The following FAM114A1 variants were observed in gnomAD, a reference collection of about 807,000 sequenced individuals.
FAM114A1 encodes the protein family with sequence similarity 114 member A1.
FAM114A1 carries 62 observed loss-of-function variants against 64.3 expected under a neutral mutation model. The observed-to-expected ratio is 0.96, with a 90% CI of 0.79 to 1.19. The LOEUF (loss-of-function observed/expected upper bound fraction) is 1.19, where lower values mean the gene tolerates loss of function less well. Ranked by LOEUF, FAM114A1 falls within the 50% of genes most tolerant of loss-of-function variation. The probability of loss-of-function intolerance (pLI) is 0.00; values close to 1 mark genes in which losing one functional copy is unlikely to be tolerated. For synonymous variants in FAM114A1, 254 were observed against 251.1 expected, an observed-to-expected ratio of 1.01 and a Z score of -0.11; for missense variants, 645 against 676.3, an observed-to-expected ratio of 0.95 and a Z score of 0.51.
intron 4 of FAM114A1, among the ~76,000 whole-genome samples, chr4:38,904,364 A>G (rs1408650170): frequency 6.6e-6 from 1 of 152,208 alleles, no homozygotes; most frequent in Non-Finnish European, 1.5e-5. Context: ...TCTCTCCAGA[A>G]TAAAATGTAG....
chr4:38,892,910 A>G (rs538115987), intron 4 of FAM114A1, among the ~76,000 whole-genome samples: 5 of 152,248 alleles, frequency 3.3e-5, no homozygotes, highest in Non-Finnish European at 7.3e-5. Context: ...GATAGATTGC[A>G]TTCCTCTAAT....
chr4:38,931,816 G>A (rs775471506), intron 11 of FAM114A1, among the ~76,000 whole-genome samples: 24 of 152,198 alleles, frequency 1.6e-4, no homozygotes, highest in African/African-American at 2.2e-4. Flanking sequence ...TTAGCAGGGC[G>A]TGGTGGCGTG....
At chr4:38,883,925 T>C (rs1270836101) in intron 3 of FAM114A1, among the ~76,000 whole-genome samples, 1 of 152,154 alleles carries the variant, frequency 6.6e-6, no homozygotes, top group African/African-American at 2.4e-5. Flanking sequence ...TCTGGAGGTG[T>C]ATTGGAATCA....
chr4:38,885,270 C>T (rs1252866167), intron 3 of FAM114A1, among the ~76,000 whole-genome samples: 5 of 151,608 alleles, frequency 3.3e-5, no homozygotes, highest in South Asian at 2.1e-4. Flanking sequence ...CCACAAAGCC[C>T]GGCCCCGTCC....
At chr4:38,941,357 C>T (rs1317278671) in intron 14 of FAM114A1, among the ~76,000 whole-genome samples, 1 of 152,184 alleles carries the variant, frequency 6.6e-6, no homozygotes, top group East Asian at 1.9e-4. Flanking sequence ...GATTATTGCT[C>T]ATCGGTGATT....
rs186077158 is a variant in FAM114A1 at position 38,897,708 on chromosome 4, G to A, written c.436+5878G>A. Among the ~76,000 whole-genome samples, 95 of 151,856 alleles carry A rather than the reference G, an allele frequency of 6.3e-4. No homozygotes were observed. In the Middle Eastern group the frequency reaches 0.044, roughly 71 times the overall value. On this transcript the variant is annotated intron_variant, in intron 4 of 14. Coordinates refer to ENST00000358869, the MANE Select transcript of FAM114A1 (RefSeq NM_138389.4). The stretch of plus-strand genomic sequence containing the variant: ...AAAGAGGGTTTTTGGGGAGGCTGAG[G>A]CAGGTAAATCAACTTGAGGTCAGGA...
intron 8 of FAM114A1, among the ~76,000 whole-genome samples, chr4:38,920,971 T>C (rs1719536588): frequency 6.6e-6 from 1 of 152,212 alleles, no homozygotes; most frequent in South Asian, 2.1e-4. Flanking sequence ...GCCCTGGCAA[T>C]GAGCTTTAGC....
chr4:38,872,644 T>C (rs1560282014), intron 2 of FAM114A1, among the ~76,000 whole-genome samples: 2 of 152,208 alleles, frequency 1.3e-5, no homozygotes, highest in Admixed American at 6.5e-5. Flanking sequence ...ATACGACTCA[T>C]GTGAGGATAA....
intron 4 of FAM114A1, among the ~76,000 whole-genome samples, chr4:38,895,893 G>A (rs1716883451): frequency 6.6e-6 from 1 of 152,146 alleles, no homozygotes; most frequent in African/African-American, 2.4e-5. Flanking sequence ...GAAAAATACA[G>A]TATTATGATC....
chr4:38,931,351 C>A, intron 10 of FAM114A1, 100 bp from the exon 11 acceptor site: 1 of 1,382,616 alleles, frequency 7.2e-7, no homozygotes, highest in African/African-American at 1.5e-5. Context: ...GAGATCCATT[C>A]TTGAAGGCTT....
intron 7 of FAM114A1, among the ~76,000 whole-genome samples, chr4:38,912,558 AT>A (rs1718656499): frequency 6.6e-6 from 1 of 151,860 alleles, no homozygotes; most frequent in Non-Finnish European, 1.5e-5. Flanking sequence ...AATTTTTTGA[AT>A]TTTTAGTAGA....
At chr4:38,874,568 C>A (rs982096708) in intron 2 of FAM114A1, among the ~76,000 whole-genome samples, 10 of 152,056 alleles carry the variant, frequency 6.6e-5, no homozygotes, top group Admixed American at 3.3e-4. Context: ...GGATATTAGA[C>A]CTTTGTCACA....
At chr4:38,920,592 C>T (rs78775383) in intron 8 of FAM114A1, among the ~76,000 whole-genome samples, 1 of 152,370 alleles carries the variant, frequency 6.6e-6, no homozygotes, top group Admixed American at 6.5e-5. Flanking sequence ...AACCCCAATG[C>T]TCTCCCTTCC....
intron 4 of FAM114A1, among the ~76,000 whole-genome samples, chr4:38,901,440 G>C (rs140425430): frequency 6.6e-6 from 1 of 152,016 alleles, no homozygotes; most frequent in Non-Finnish European, 1.5e-5. Flanking sequence ...GGCGCCTGCC[G>C]CCACACCCGG....
chr4:38,882,307 A>G (rs896944247), intron 3 of FAM114A1, among the ~76,000 whole-genome samples: 1 of 101,104 alleles, frequency 9.9e-6, no homozygotes, highest in Non-Finnish European at 1.9e-5. Context: ...CGACAGAGCG[A>G]GACTCCGTCT....
At chr4:38,882,612 A>G (rs1715399256) in intron 3 of FAM114A1, among the ~76,000 whole-genome samples, 2 of 152,186 alleles carry the variant, frequency 1.3e-5, no homozygotes, top group Admixed American at 1.3e-4. Context: ...CTGGGCAACA[A>G]GAGTGAAACT....
chr4:38,926,752 G>A (rs556175106), intron 9 of FAM114A1, among the ~76,000 whole-genome samples: 1 of 152,250 alleles, frequency 6.6e-6, no homozygotes, highest in African/African-American at 2.4e-5. Context: ...CACTGTGCCA[G>A]GCCCTCTCTA....
At chr4:38,880,458 AT>A (rs1715146638) in intron 3 of FAM114A1, among the ~76,000 whole-genome samples, 2 of 152,178 alleles carry the variant, frequency 1.3e-5, no homozygotes, top group African/African-American at 4.8e-5. Context: ...TTTTTCATCC[AT>A]TGATCTTAGA....
chr4:38,942,555 C>T (rs1232269225), intron 14 of FAM114A1, among the ~76,000 whole-genome samples: 1 of 152,104 alleles, frequency 6.6e-6, no homozygotes, highest in African/African-American at 2.4e-5. Flanking sequence ...TCCGTTTCCC[C>T]AATAGATGTT....
Sources: gnomAD v4.1 joint callset for allele counts (sites outside exome capture counted in the v4.1 genomes callset) on GRCh38, gnomAD v4.1.1 for gene constraint, MANE v1.5 for transcripts, NCBI Gene and HGNC (gene_info 2026-07-23, HGNC 2026-07-21) for gene names.